GATB: variants seen among roughly 807,000 people sequenced by gnomAD.
The protein encoded by GATB is glutamyl-tRNA amidotransferase subunit B.
GATB carries 39 observed loss-of-function variants against 62.3 expected under a neutral mutation model. The observed-to-expected ratio is 0.63, with a 90% CI of 0.48 to 0.82. The LOEUF is 0.82. Among genes scored for constraint, GATB ranks in the 40% least tolerant of loss-of-function variants. The pLI is 0.00. For missense variants in GATB, 670 were observed against 684.0 expected (o/e 0.98, Z 0.23); for synonymous variants, 276 against 258.9 (o/e 1.07, Z -0.63).
chr4:151,754,992 A>G (rs1739796734), intron 2 of GATB, among the ~76,000 whole-genome samples: 3 of 152,204 alleles, frequency 2.0e-5, no homozygotes, highest in African/African-American at 7.2e-5. Flanking sequence ...AGCCTTTGTA[A>G]AGATAAAAGC....
At chr4:151,758,989 T>C (rs1247287033) in intron 1 of GATB, 67 bp from the exon 2 acceptor site, 26 of 1,140,696 alleles carry the variant, frequency 2.3e-5, no homozygotes, top group Non-Finnish European at 3.2e-5. Flanking sequence ...TCTATAAGTC[T>C]AAACCACAAA....
intron 2 of GATB, among the ~76,000 whole-genome samples, chr4:151,729,229 T>C (rs1446544067): frequency 1.3e-5 from 2 of 151,742 alleles, no homozygotes; most frequent in East Asian, 1.9e-4. Context: ...GCTTTAGGAG[T>C]AGATAGTAAG....
At chr4:151,709,015 A>C (rs1399518519) in intron 5 of GATB, among the ~76,000 whole-genome samples, 1 of 152,232 alleles carries the variant, frequency 6.6e-6, no homozygotes, top group Non-Finnish European at 1.5e-5. Context: ...CAACATTTAA[A>C]AGAGAACAGA....
At chr4:151,679,985 G>A (rs1738102836) in intron 10 of GATB, 94 bp from the exon 11 acceptor site, 1 of 1,103,768 alleles carries the variant, frequency 9.1e-7, no homozygotes, top group South Asian at 1.3e-5. Context: ...GCTCTAGTGG[G>A]GGTAAATATC....
At chr4:151,743,798 C>A (rs1739543404) in intron 2 of GATB, among the ~76,000 whole-genome samples, 1 of 152,164 alleles carries the variant, frequency 6.6e-6, no homozygotes, top group Non-Finnish European at 1.5e-5. Flanking sequence ...CATGTACTTT[C>A]TTTTGTAGGA....
intron 2 of GATB, among the ~76,000 whole-genome samples, chr4:151,747,636 G>A (rs1349467149): frequency 1.3e-5 from 2 of 152,156 alleles, no homozygotes; most frequent in Non-Finnish European, 2.9e-5. Context: ...TTCACATATG[G>A]ACACATCCTG....
chr4:151,693,321 G>A (rs1256002918), intron 9 of GATB, among the ~76,000 whole-genome samples: 1 of 152,208 alleles, frequency 6.6e-6, no homozygotes, highest in Non-Finnish European at 1.5e-5. Flanking sequence ...GTGGGGCGGT[G>A]GCTTGGGTGG....
Position 151,688,652 on chromosome 4 carries a change from G to A in GATB, c.1309C>T (p.Gln437Ter), listed in dbSNP as rs1171971339. The change falls in exon 10 of 13, where the codon CAG becomes TAG. Residue 437 changes from glutamine (Q) to a stop codon, truncating the protein, a stop_gained. Coordinates refer to ENST00000263985, the MANE Select transcript of GATB (RefSeq NM_004564.3). LOFTEE classifies it high-confidence loss of function. ...LNTFLGYLKQQNLAVSESPVT... is the reference protein window; with the variant it reads ...LNTFLGYLKQ Reference sequence around the variant, plus strand: ...CACCTCTCACTGACAGCGAGGTTCTGTTGCTTTAAATAGCCCAGAAAAGTG... The same window carrying A: ...CACCTCTCACTGACAGCGAGGTTCTATTGCTTTAAATAGCCCAGAAAAGTG... The A allele has an allele frequency of 1.2e-6, 2 of 1,609,966 alleles. No homozygotes were observed. The highest frequency in any genetic ancestry group is 2.2e-5 in the East Asian group (1 of 44,846).
intron 2 of GATB, among the ~76,000 whole-genome samples, chr4:151,749,797 G>A (rs898161333): frequency 7.2e-5 from 11 of 152,058 alleles, no homozygotes; most frequent in Admixed American, 1.3e-4. Flanking sequence ...CCACAGCTCT[G>A]GAGACATTGT....
At chr4:151,732,394 G>C (rs1739286739) in intron 2 of GATB, among the ~76,000 whole-genome samples, 1 of 152,204 alleles carries the variant, frequency 6.6e-6, no homozygotes. Context: ...CTTCTGCCTT[G>C]GGATGCTGTT....
chr4:151,727,680 C>T (rs1457959071), intron 2 of GATB, among the ~76,000 whole-genome samples: 1 of 152,198 alleles, frequency 6.6e-6, no homozygotes, highest in Non-Finnish European at 1.5e-5. Flanking sequence ...ACTCCTCACA[C>T]TAGCCATGTT....
rs1348934270 is a variant in GATB, at chr4:151,688,990, C to A, written c.1198-227G>T. Among the ~76,000 whole-genome samples, 6 of 152,158 alleles carry A rather than the reference C, an allele frequency of 3.9e-5. No homozygotes were observed. The East Asian group carries it at 1.2e-3, about 29-fold the overall frequency. ...TAGCATTTTCTCAAAAGGATAAACACATTTTAGAGAGCCCTGACTTTGCAG... is the reference window on the plus strand; with the variant it reads ...TAGCATTTTCTCAAAAGGATAAACAAATTTTAGAGAGCCCTGACTTTGCAG... On this transcript the variant is annotated intron_variant, in intron 9 of 12. Coordinates refer to ENST00000263985, the MANE Select transcript of GATB (RefSeq NM_004564.3).
intron 2 of GATB, among the ~76,000 whole-genome samples, chr4:151,732,950 C>G (rs1163086320): frequency 6.6e-6 from 1 of 151,700 alleles, no homozygotes; most frequent in African/African-American, 2.4e-5. Flanking sequence ...CTATCAAAAC[C>G]TCTGGGATAC....
At chr4:151,708,204 G>A (rs1229024518) in intron 5 of GATB, 103 bp from the exon 6 acceptor site, 24 of 750,994 alleles carry the variant, frequency 3.2e-5, no homozygotes, top group Middle Eastern at 3.3e-4. Context: ...TCTACCTGCT[G>A]TTTAGTTATA....
At chr4:151,715,803 T>C (rs1738900355) in intron 5 of GATB, among the ~76,000 whole-genome samples, 1 of 152,070 alleles carries the variant, frequency 6.6e-6, no homozygotes, top group African/African-American at 2.4e-5. Context: ...TATATTTGGT[T>C]GGGGGCTCAT....
chr4:151,747,275 A>G (rs1739621648), intron 2 of GATB, among the ~76,000 whole-genome samples: 1 of 152,218 alleles, frequency 6.6e-6, no homozygotes, highest in South Asian at 2.1e-4. Context: ...GGCTTCCTGC[A>G]TAAAGCTGTG....
chr4:151,720,281 GACA>G (rs1035831659), intron 2 of GATB: 2 of 152,180 alleles, frequency 1.3e-5, no homozygotes, highest in African/African-American at 4.8e-5. Context: ...TCTGGAACTA[GACA>G]ACGAGATAAT....
In GATB at chr4:151,716,936, T is replaced by C. The variant is rs776946077; in HGVS notation, c.580A>G (p.Ser194Gly). 1 of 1,614,192 alleles carries C rather than the reference T, an allele frequency of 6.2e-7. No homozygotes were observed. Among genetic ancestry groups the C allele is most frequent in the East Asian group, 2.2e-5 (1 of 44,884 alleles). The change falls in exon 4 of 13, where the codon AGT becomes GGT. Residue 194 changes from serine (S) to glycine (G), a missense_variant. Coordinates refer to ENST00000263985, the MANE Select transcript of GATB (RefSeq NM_004564.3). ...RIKQIQLEQDSGKSLHDNLRS... is the reference protein window; with the variant it reads ...RIKQIQLEQDGGKSLHDNLRS... ...AGGTTGTCGTGGAGGCTTTTGCCACTGTCTTGCTCCAACTGGATCTGCTTG... is the reference window on the plus strand; with the variant it reads ...AGGTTGTCGTGGAGGCTTTTGCCACCGTCTTGCTCCAACTGGATCTGCTTG...
intron 8 of GATB, among the ~76,000 whole-genome samples, chr4:151,703,004 A>G (rs1738638776): frequency 1.3e-5 from 2 of 152,290 alleles, no homozygotes; most frequent in South Asian, 4.1e-4. Context: ...GCCGGACTCC[A>G]CACTCAGGGG....
Sources: allele counts gnomAD v4.1 joint callset (sites outside exome capture counted in the v4.1 genomes callset), GRCh38; gene constraint gnomAD v4.1.1; transcripts MANE v1.5; gene names NCBI Gene and HGNC (gene_info 2026-07-23, HGNC 2026-07-21).